The following NPAS3 variants were observed in gnomAD, a reference collection of about 807,000 sequenced individuals.
NPAS3 encodes the protein neuronal PAS domain-containing protein 3.
A neutral mutation model predicts 73.1 loss-of-function variants in NPAS3; 14 were observed. The observed-to-expected ratio is 0.19, with a 90% CI of 0.13 to 0.30. The LOEUF is 0.30. NPAS3 is among the 10% of genes least tolerant of loss of function. NPAS3 has a pLI of 1.00. For missense variants in NPAS3, 1,096 were observed against 1,250.0 expected (o/e 0.88, Z 1.86); for synonymous variants, 620 against 541.5 (o/e 1.14, Z -2.01).
chr14:33,730,499 G>A (rs766074483), intron 6 of NPAS3, among the ~76,000 whole-genome samples: 12 of 152,168 alleles, frequency 7.9e-5, no homozygotes, highest in Non-Finnish European at 1.5e-4. Context: ...GACTCAGGCT[G>A]GTGAAGTTGT....
intron 3 of NPAS3, among the ~76,000 whole-genome samples, chr14:33,235,520 T>C (rs373363129): frequency 2.0e-5 from 3 of 152,074 alleles, no homozygotes; most frequent in African/African-American, 7.2e-5. Flanking sequence ...TCTGATGGCA[T>C]ATATTTGAAG....
At chr14:33,296,297 T>C (rs999531510) in intron 3 of NPAS3, among the ~76,000 whole-genome samples, 1 of 152,224 alleles carries the variant, frequency 6.6e-6, no homozygotes, top group Non-Finnish European at 1.5e-5. Flanking sequence ...TATATTTATA[T>C]AGACATCATT....
At chr14:33,244,023 AT>A (rs1490140407) in intron 3 of NPAS3, among the ~76,000 whole-genome samples, 1 of 151,984 alleles carries the variant, frequency 6.6e-6, no homozygotes, top group East Asian at 1.9e-4. Context: ...AGCCCAACTC[AT>A]TTCAGTTCTG....
At chr14:32,981,977 A>G (rs904248794) in intron 1 of NPAS3, among the ~76,000 whole-genome samples, 1 of 152,124 alleles carries the variant, frequency 6.6e-6, no homozygotes, top group Non-Finnish European at 1.5e-5. Flanking sequence ...TTTCTGCTTA[A>G]TCTTTCAAAC....
intron 10 of NPAS3, among the ~76,000 whole-genome samples, chr14:33,796,413 G>A (rs1174214743): frequency 6.6e-6 from 1 of 152,202 alleles, no homozygotes; most frequent in Admixed American, 6.5e-5. Flanking sequence ...ACACGAAGGA[G>A]TAAATGCCTG....
intron 5 of NPAS3, among the ~76,000 whole-genome samples, chr14:33,659,107 T>C (rs965155845): frequency 1.3e-5 from 2 of 152,226 alleles, no homozygotes; most frequent in Non-Finnish European, 2.9e-5. Flanking sequence ...CCAAGGTTTG[T>C]AGAAATGAAT....
Position 33,455,586 on chromosome 14 carries a change from T to G in NPAS3, c.468+88318T>G, listed in dbSNP as rs1157874060. On this transcript the variant is annotated intron_variant, in intron 4 of 11. Coordinates refer to ENST00000356141, the Ensembl canonical transcript of NPAS3. ...TTGAAGGCTGCATGAGCTGAGCTTG[T>G]GTTGGGATGATTTGTAATGGTTCTG... 2.0e-5 allele frequency among the ~76,000 whole-genome samples: 3 copies of G among 152,218 alleles called. No homozygotes were observed. In the East Asian group the frequency reaches 5.8e-4, roughly 29 times the overall value.
intron 2 of NPAS3, among the ~76,000 whole-genome samples, chr14:33,083,143 A>G (rs968920323): frequency 3.1e-5 from 4 of 127,964 alleles, no homozygotes; most frequent in Non-Finnish European, 4.7e-5. Context: ...TGATCATGCC[A>G]TTACACTCCA....
chr14:33,716,031 C>T (rs1387496003), intron 6 of NPAS3, among the ~76,000 whole-genome samples: 1 of 152,122 alleles, frequency 6.6e-6, no homozygotes, highest in African/African-American at 2.4e-5. Context: ...TATAAATTAC[C>T]CAGTCTTGGG....
intron 7 of NPAS3, among the ~76,000 whole-genome samples, chr14:33,736,291 T>C (rs79562438): frequency 1.3e-5 from 2 of 152,220 alleles, no homozygotes; most frequent in Non-Finnish European, 2.9e-5. Flanking sequence ...AGCAGCTGTA[T>C]AGAAGTCAGA....
chr14:32,971,056 T>A (rs964419584), intron 1 of NPAS3, among the ~76,000 whole-genome samples: 1 of 151,652 alleles, frequency 6.6e-6, no homozygotes, highest in Non-Finnish European at 1.5e-5. Context: ...GATTGGACTT[T>A]AGTGAAAATG....
rs533101839 is a variant in NPAS3, at chr14:33,725,138, T to A, written c.734-10076T>A. 1.2e-3 allele frequency among the ~76,000 whole-genome samples: 179 copies of A among 152,220 alleles called. 1 individual carries two copies. The highest frequency in any genetic ancestry group is 5.0e-3 in the Admixed American group (77 of 15,280). On this transcript the variant is annotated intron_variant, in intron 6 of 11. Transcript: ENST00000356141. ...CATTTATTCCCCTAACAATGTCTAATAAAAGTATGGTTATTACCTAATGTA... is the reference window on the plus strand; with the variant it reads ...CATTTATTCCCCTAACAATGTCTAAAAAAAGTATGGTTATTACCTAATGTA...
At chr14:33,278,663 C>T (rs1252481567) in intron 3 of NPAS3, among the ~76,000 whole-genome samples, 1 of 152,106 alleles carries the variant, frequency 6.6e-6, no homozygotes, top group Non-Finnish European at 1.5e-5. Flanking sequence ...ATAAATGGTA[C>T]TCACTTTCTA....
intron 1 of NPAS3, among the ~76,000 whole-genome samples, chr14:33,016,391 A>T (rs1468463578): frequency 7.4e-6 from 1 of 134,440 alleles, no homozygotes; most frequent in African/African-American, 2.7e-5. Context: ...TTTAGTGGAC[A>T]TAGCAATATT....
At chr14:33,139,677 A>G (rs1258536377) in intron 2 of NPAS3, among the ~76,000 whole-genome samples, 1 of 152,214 alleles carries the variant, frequency 6.6e-6, no homozygotes, top group African/African-American at 2.4e-5. Flanking sequence ...AATGGTAGCC[A>G]TTAGCCCTAT....
chr14:32,953,153 G>T (rs1254385413), intron 1 of NPAS3, among the ~76,000 whole-genome samples: 1 of 150,988 alleles, frequency 6.6e-6, no homozygotes, highest in Non-Finnish European at 1.5e-5. Context: ...AAAAAACAGA[G>T]TTGGAAATAT....
At chr14:33,478,397 C>T (rs1359106665) in intron 4 of NPAS3, among the ~76,000 whole-genome samples, 1 of 152,060 alleles carries the variant, frequency 6.6e-6, no homozygotes, top group Non-Finnish European at 1.5e-5. Context: ...AATATTAAGT[C>T]ACCAAAATGA....
chr14:33,233,022 C>T (rs1345097115), intron 3 of NPAS3, among the ~76,000 whole-genome samples: 1 of 152,152 alleles, frequency 6.6e-6, no homozygotes, highest in Non-Finnish European at 1.5e-5. Context: ...CTATGGATCT[C>T]TCTGCTGATG....
At chr14:33,105,757 A>G (rs17095924) in intron 2 of NPAS3, among the ~76,000 whole-genome samples, 8,488 of 135,918 alleles carry the variant, frequency 0.062, 284 homozygotes, top group East Asian at 0.1. Context: ...GTTATTTAGG[A>G]AAAAAAAAGA....
Sources: allele counts gnomAD v4.1 joint callset (sites outside exome capture counted in the v4.1 genomes callset), GRCh38; gene constraint gnomAD v4.1.1; transcripts MANE v1.5; gene names NCBI Gene and HGNC (gene_info 2026-07-23, HGNC 2026-07-21).